NMNAT3: variants seen among roughly 807,000 people sequenced by gnomAD.
The protein encoded by NMNAT3 is nicotinamide/nicotinic acid mononucleotide adenylyltransferase 3.
Under a neutral mutation model 24.8 loss-of-function variants are expected in NMNAT3, and 21 were observed. The ratio of observed to expected loss-of-function variants is 0.85; its 90% CI spans 0.60 to 1.22. The LOEUF (loss-of-function observed/expected upper bound fraction) is 1.22, where lower values mean the gene tolerates loss of function less well. NMNAT3 is among the 50% of genes most tolerant of loss of function. NMNAT3 has a pLI of 0.00. For missense variants in NMNAT3, 387 were observed against 436.6 expected (o/e 0.89, Z 1.01); for synonymous variants, 136 against 155.2 (o/e 0.88, Z 0.92).
intron 3 of NMNAT3, among the ~76,000 whole-genome samples, chr3:139,586,132 A>G (rs2053928882): frequency 6.6e-6 from 1 of 152,200 alleles, no homozygotes; most frequent in African/African-American, 2.4e-5. Flanking sequence ...AGAACAGAAA[A>G]CCAATACCGC....
At chr3:139,583,712 G>T in intron 3 of NMNAT3, 1 of 640,962 alleles carries the variant, frequency 1.6e-6, no homozygotes, top group South Asian at 1.9e-5. Context: ...CACTTCATTT[G>T]AGAAATATAG....
chr3:139,607,430 CT>C (rs1302715063), intron 3 of NMNAT3, among the ~76,000 whole-genome samples: 2 of 152,214 alleles, frequency 1.3e-5, no homozygotes, highest in Admixed American at 6.5e-5. Flanking sequence ...ATCCACACCC[CT>C]GTGGAAAACA....
chr3:139,646,430 T>C (rs2056873278), intron 1 of NMNAT3, among the ~76,000 whole-genome samples: 1 of 152,182 alleles, frequency 6.6e-6, no homozygotes, highest in Admixed American at 6.5e-5. Flanking sequence ...GCATTCCCCC[T>C]GTTTCAGGTG....
chr3:139,675,940 C>T (rs963412979), intron 1 of NMNAT3, among the ~76,000 whole-genome samples: 15 of 152,304 alleles, frequency 9.8e-5, no homozygotes, highest in African/African-American at 3.4e-4. Context: ...ATCCTCACGA[C>T]TCACAAGGTG....
intron 1 of NMNAT3, among the ~76,000 whole-genome samples, chr3:139,652,996 A>G (rs1559956541): frequency 2.0e-5 from 3 of 152,234 alleles, no homozygotes; most frequent in South Asian, 2.1e-4. Context: ...GGGTTTCATG[A>G]TAAGTATTTT....
At chr3:139,599,493 C>A (rs888954603) in intron 3 of NMNAT3, 4 of 679,990 alleles carry the variant, frequency 5.9e-6, no homozygotes, top group African/African-American at 1.8e-5. Flanking sequence ...GCAACTGTCA[C>A]AAGTGGTGTT....
At chr3:139,575,612 C>G in intron 5 of NMNAT3, 1 of 1,010,436 alleles carries the variant, frequency 9.9e-7, no homozygotes, top group East Asian at 1.0e-4. Context: ...GTTGACCCTA[C>G]TTTGAATATT....
At chr3:139,564,266 G>GT (rs71146190) in intron 6 of NMNAT3, among the ~76,000 whole-genome samples, 20,472 of 152,200 alleles carry the variant, frequency 0.13, 1,879 homozygotes, top group Non-Finnish European at 0.21. Context: ...GTCTGTCATG[G>GT]TACCTCACAG....
chr3:139,644,587 G>C (rs1406054566), intron 1 of NMNAT3, among the ~76,000 whole-genome samples: 1 of 152,152 alleles, frequency 6.6e-6, no homozygotes, highest in Non-Finnish European at 1.5e-5. Context: ...TGAGGAGTAA[G>C]AGCTGAGGGC....
chr3:139,615,466 TCCAC>T (rs145795081), intron 3 of NMNAT3, among the ~76,000 whole-genome samples: 4,567 of 149,404 alleles, frequency 0.031, 81 homozygotes, highest in South Asian at 0.04. Context: ...TATCTATCCA[TCCAC>T]CCACCCATCC....
chr3:139,573,589 A>C lies in NMNAT3; in HGVS notation c.658+9T>G. 2 of 1,547,826 alleles carry C rather than the reference A, an allele frequency of 1.3e-6. No individual in the cohort carries two copies. Among genetic ancestry groups the C allele is most frequent in the Non-Finnish European group, 1.8e-6 (2 of 1,138,062 alleles). ...TCATTCTCCTACAGACAAGAGGATC[A>C]GCACCCACCTGCAGGGGTCGAGAAG... On this transcript the variant is annotated intron_variant, in intron 6 of 6. Transcript: ENST00000643695.
At chr3:139,667,473 A>G (rs2057620754) in intron 1 of NMNAT3, among the ~76,000 whole-genome samples, 1 of 151,916 alleles carries the variant, frequency 6.6e-6, no homozygotes, top group Non-Finnish European at 1.5e-5. Context: ...TTTTTTTGCT[A>G]TTGAGTTGAG....
intron 3 of NMNAT3, chr3:139,583,229 TA>T: frequency 1.7e-6 from 2 of 1,211,784 alleles, no homozygotes; most frequent in Non-Finnish European, 2.5e-6. Flanking sequence ...AGAAAACGTG[TA>T]AATGTTTGCA....
chr3:139,585,407 A>C (rs907967769), intron 3 of NMNAT3, among the ~76,000 whole-genome samples: 2 of 152,214 alleles, frequency 1.3e-5, no homozygotes, highest in Admixed American at 1.3e-4. Context: ...TTAGATATAA[A>C]TACTACTTTT....
intron 6 of NMNAT3, chr3:139,566,684 A>G (rs1447005751): frequency 6.6e-6 from 1 of 152,116 alleles, no homozygotes; most frequent in African/African-American, 2.4e-5. Flanking sequence ...GATAGGTGGC[A>G]TTATTTCTGA....
chr3:139,634,508 T>C (rs1284393948), intron 2 of NMNAT3, 103 bp downstream of exon 3: 1 of 152,154 alleles, frequency 6.6e-6, no homozygotes, highest in Non-Finnish European at 1.5e-5. Flanking sequence ...GCGTGTCGAC[T>C]TCTCTAGGGC....
At chr3:139,570,533 CT>C in intron 6 of NMNAT3, 1 of 152,260 alleles carries the variant, frequency 6.6e-6, no homozygotes, top group East Asian at 1.9e-4. Flanking sequence ...TGTGGATGTC[CT>C]TTCTGTTTGT....
chr3:139,599,216 C>G, intron 3 of NMNAT3: 1 of 610,196 alleles, frequency 1.6e-6, no homozygotes, highest in South Asian at 2.0e-5. Flanking sequence ...CTACATGTGT[C>G]AAAACAATTG....
chr3:139,585,045 T>G (rs6801691), intron 3 of NMNAT3, among the ~76,000 whole-genome samples: 12,313 of 152,216 alleles, frequency 0.081, 1,091 homozygotes, highest in East Asian at 0.37. Context: ...GAAAAAAATA[T>G]ATATTCTGCT....
Sources: allele counts gnomAD v4.1 joint callset (sites outside exome capture counted in the v4.1 genomes callset), GRCh38; gene constraint gnomAD v4.1.1; transcripts MANE v1.5; gene names NCBI Gene and HGNC (gene_info 2026-07-23, HGNC 2026-07-21).